Variants in CDK14 observed in about 807,000 individuals in gnomAD.
The protein encoded by CDK14 is cyclin-dependent kinase 14.
Under a neutral mutation model 60.7 loss-of-function variants are expected in CDK14, and 34 were observed. That is an observed-to-expected ratio of 0.56 (90% confidence interval 0.43 to 0.75). CDK14 has a LOEUF of 0.75. CDK14 is among the 30% of genes least tolerant of loss of function. The probability of loss-of-function intolerance (pLI) is 0.00; values close to 1 mark genes in which losing one functional copy is unlikely to be tolerated. For synonymous variants in CDK14, 197 were observed against 203.7 expected, an observed-to-expected ratio of 0.97 and a Z score of 0.28; for missense variants, 482 against 564.1, an observed-to-expected ratio of 0.85 and a Z score of 1.47.
intron 10 of CDK14, among the ~76,000 whole-genome samples, chr7:90,986,208 A>G (rs1795368320): frequency 6.6e-6 from 1 of 152,116 alleles, no homozygotes. Flanking sequence ...TATATGGATG[A>G]GACATTATTT....
chr7:91,062,638 C>G (rs996416909), intron 11 of CDK14, among the ~76,000 whole-genome samples: 2 of 152,186 alleles, frequency 1.3e-5, no homozygotes, highest in African/African-American at 4.8e-5. Context: ...TTGCATAGCT[C>G]TTTCCTGTGT....
Position 90,943,066 on chromosome 7 carries a change from T to A in CDK14, c.827-12631T>A, listed in dbSNP as rs150730135. On this transcript the variant is annotated intron_variant, in intron 8 of 14. Coordinates refer to ENST00000380050, the MANE Select transcript of CDK14 (RefSeq NM_001287135.2). The stretch of plus-strand genomic sequence containing the variant: ...TTGAGAGGCAGCTAAAGTGTCGTGC[T>A]GAATCAGAGAAGCCTGATATTTCTG... Among the ~76,000 whole-genome samples, 619 of 152,322 alleles carry A rather than the reference T, an allele frequency of 4.1e-3. 7 individuals are homozygous for A. Among genetic ancestry groups the A allele is most frequent in the East Asian group, 0.023 (121 of 5,184 alleles).
intron 11 of CDK14, among the ~76,000 whole-genome samples, chr7:91,078,404 C>T (rs898708122): frequency 3.9e-5 from 6 of 152,142 alleles, no homozygotes; most frequent in Non-Finnish European, 7.3e-5. Flanking sequence ...GTCAGGAATT[C>T]GAGACCAGCC....
At position 90,857,222 on chromosome 7, in the gene CDK14, T is replaced by C. The variant is rs181879848; in HGVS notation, c.545-5953T>C. 3.5e-3 allele frequency among the ~76,000 whole-genome samples: 532 copies of C among 152,294 alleles called. 2 individuals are homozygous for C. The highest frequency in any genetic ancestry group is 5.9e-3 in the Non-Finnish European group (401 of 68,018). On this transcript the variant is annotated intron_variant, in intron 5 of 14. Coordinates refer to ENST00000380050, the MANE Select transcript of CDK14 (RefSeq NM_001287135.2). ...AATCATGATGGGACTAGAGTTTGGA[T>C]GAAATTCATTTCTTCCAAGTTGGAG...
At chr7:91,136,651 G>T (rs943904730) in intron 14 of CDK14, among the ~76,000 whole-genome samples, 2 of 152,086 alleles carry the variant, frequency 1.3e-5, no homozygotes, top group African/African-American at 2.4e-5. Context: ...TTGGAGTTTT[G>T]AAAAATATGT....
intron 6 of CDK14, among the ~76,000 whole-genome samples, chr7:90,866,282 G>A (rs1186217587): frequency 7.1e-6 from 1 of 140,734 alleles, no homozygotes; most frequent in Non-Finnish European, 1.6e-5. Flanking sequence ...ACAGAACTTT[G>A]TTAGCAAGTT....
chr7:90,870,097 A>G (rs1791318864), intron 6 of CDK14, among the ~76,000 whole-genome samples: 1 of 152,152 alleles, frequency 6.6e-6, no homozygotes, highest in Non-Finnish European at 1.5e-5. Flanking sequence ...TCCTGTCAAG[A>G]TTCATAAAAT....
At chr7:90,693,518 C>T (rs1203447531) in intron 2 of CDK14, among the ~76,000 whole-genome samples, 2 of 152,164 alleles carry the variant, frequency 1.3e-5, no homozygotes, top group South Asian at 2.1e-4. Context: ...CACACATGCA[C>T]GGCTGTGTTG....
intron 5 of CDK14, among the ~76,000 whole-genome samples, chr7:90,813,620 G>A (rs1226461719): frequency 6.6e-6 from 1 of 151,966 alleles, no homozygotes; most frequent in South Asian, 2.1e-4. Flanking sequence ...ACGGTGGCAT[G>A]TGCCTGTAAT....
chr7:90,911,500 C>T (rs1281327353), intron 7 of CDK14, among the ~76,000 whole-genome samples: 2 of 152,106 alleles, frequency 1.3e-5, no homozygotes, highest in East Asian at 3.9e-4. Flanking sequence ...TTCTGAAAGC[C>T]CTGAGAGACC....
chr7:91,085,858 G>C (rs975332493), intron 12 of CDK14, among the ~76,000 whole-genome samples: 2 of 152,168 alleles, frequency 1.3e-5, no homozygotes, highest in African/African-American at 4.8e-5. Context: ...CAAGAAGGCC[G>C]CTGGCCTCTG....
At chr7:91,111,382 G>A (rs1190461073) in intron 12 of CDK14, among the ~76,000 whole-genome samples, 1 of 152,176 alleles carries the variant, frequency 6.6e-6, no homozygotes, top group African/African-American at 2.4e-5. Context: ...GATTTTTAAA[G>A]AAATACCTAC....
chr7:91,013,641 G>A (rs28421280), intron 10 of CDK14, among the ~76,000 whole-genome samples: 2,956 of 148,962 alleles, frequency 0.02, 97 homozygotes, highest in African/African-American at 0.069. Flanking sequence ...TGGATCACAC[G>A]GTCTCATTGC....
At chr7:90,936,056 A>G (rs1420081348) in intron 8 of CDK14, among the ~76,000 whole-genome samples, 2 of 152,084 alleles carry the variant, frequency 1.3e-5, no homozygotes, top group Non-Finnish European at 1.5e-5. Flanking sequence ...AAAAAAAGAA[A>G]AAAGAAGAAG....
chr7:90,619,095 A>G (rs369941597), intron 2 of CDK14, among the ~76,000 whole-genome samples: 1 of 152,136 alleles, frequency 6.6e-6, no homozygotes, highest in Non-Finnish European at 1.5e-5. Context: ...TTCCACCTCC[A>G]TTGGGTATTT....
At chr7:90,638,434 T>G (rs1191346797) in intron 2 of CDK14, among the ~76,000 whole-genome samples, 1 of 152,242 alleles carries the variant, frequency 6.6e-6, no homozygotes, top group Non-Finnish European at 1.5e-5. Context: ...AAAATTTTTT[T>G]CTTTAAGAAT....
intron 5 of CDK14, among the ~76,000 whole-genome samples, chr7:90,829,540 CT>C (rs200123940): frequency 1.3e-5 from 2 of 151,114 alleles, no homozygotes; most frequent in Admixed American, 6.6e-5. Flanking sequence ...TCATTAAATC[CT>C]TTTTTTTTGA....
At chr7:90,862,279 T>C (rs1234441814) in intron 5 of CDK14, among the ~76,000 whole-genome samples, 1 of 152,066 alleles carries the variant, frequency 6.6e-6, no homozygotes, top group African/African-American at 2.4e-5. Context: ...GACCAAACCA[T>C]ATACTGTCTA....
At chr7:90,975,750 G>A (rs990041690) in intron 9 of CDK14, among the ~76,000 whole-genome samples, 2 of 151,972 alleles carry the variant, frequency 1.3e-5, no homozygotes, top group East Asian at 3.9e-4. Flanking sequence ...CTATGACATT[G>A]ACTTTTTTTA....
Sources: gnomAD v4.1 joint callset for allele counts (sites outside exome capture counted in the v4.1 genomes callset) on GRCh38, gnomAD v4.1.1 for gene constraint, MANE v1.5 for transcripts, NCBI Gene and HGNC (gene_info 2026-07-23, HGNC 2026-07-21) for gene names.